The following FBN2 variants were observed in gnomAD, a reference collection of about 807,000 sequenced individuals.
The protein encoded by FBN2 is fibrillin 2.
FBN2 carries 105 observed loss-of-function variants against 355.6 expected under a neutral mutation model. The observed-to-expected ratio is 0.30, with a 90% CI of 0.25 to 0.35. FBN2 has a LOEUF of 0.35. FBN2 is among the 10% of genes least tolerant of loss of function. The pLI, the probability that FBN2 is intolerant of heterozygous loss-of-function variation, is 1.00. For missense variants in FBN2, 3,280 were observed against 3,758.7 expected, an observed-to-expected ratio of 0.87 and a Z score of 3.33; for synonymous variants, 1,350 against 1,301.2, an observed-to-expected ratio of 1.04 and a Z score of -0.81.
rs150976275 is a variant in FBN2, at chr5:128,514,400, T to C, written c.628+4873A>G. ...CTCTTACTTTTTGTTCCTACTCCTATTACGGTATTTACTGTGTCTTATTGC... is the reference window on the plus strand; with the variant it reads ...CTCTTACTTTTTGTTCCTACTCCTACTACGGTATTTACTGTGTCTTATTGC... On this transcript the variant is annotated intron_variant, in intron 5 of 64. Coordinates refer to ENST00000262464, the MANE Select transcript of FBN2 (RefSeq NM_001999.4). Among the ~76,000 whole-genome samples the C allele has an allele frequency of 2.6e-5, 4 of 152,272 alleles. No homozygotes were observed. In the East Asian group the frequency reaches 7.7e-4, roughly 29 times the overall value.
chr5:128,270,650 T>G (rs572516181), intron 62 of FBN2, among the ~76,000 whole-genome samples: 2 of 152,330 alleles, frequency 1.3e-5, no homozygotes, highest in South Asian at 4.1e-4. Flanking sequence ...AATTGACAAA[T>G]GGGATCTAAT....
At position 128,310,386 on chromosome 5, in the gene FBN2, ATATATATATATATATATTTTTT is replaced by A. The variant is rs1203100960; in HGVS notation, c.5075-300_5075-279del. 0.03 allele frequency among the ~76,000 whole-genome samples: 936 copies of A among 31,438 alleles called. 15 individuals are homozygous for A. The highest frequency in any genetic ancestry group is 0.032 in the African/African-American group (160 of 5,022). The allele number at this position is 31,438 out of a possible 152,430, so 20.6% of individuals were successfully genotyped here. On this transcript the variant is annotated intron_variant, in intron 39 of 64. Coordinates refer to ENST00000262464, the MANE Select transcript of FBN2 (RefSeq NM_001999.4). ...GGCACATATATATATATATATATAT[ATATATATATATATATATTTTTT>A]TTTTTTTTTTTTTATTGCAATTCGC...
At chr5:128,441,359 A>G (rs1753917007) in intron 7 of FBN2, among the ~76,000 whole-genome samples, 1 of 152,188 alleles carries the variant, frequency 6.6e-6, no homozygotes, top group South Asian at 2.1e-4. Flanking sequence ...TGGTCATCCA[A>G]CACCTTTGTT....
At position 128,261,754 on chromosome 5, in the gene FBN2, A is replaced by T. The variant is rs1253992429; in HGVS notation, c.8346T>A (p.His2782Gln). The T allele has an allele frequency of 6.2e-7, 1 of 1,614,114 alleles. No individual in the cohort carries two copies. Among genetic ancestry groups the T allele is most frequent in the African/African-American group, 1.3e-5 (1 of 74,956 alleles). Residue 2782 changes from histidine (H) to glutamine (Q), a missense_variant, in exon 64 of 65, where the codon CAT (histidine) becomes CAA (glutamine). Physicochemically the swap from His to Gln is conservative, Grantham distance 24. This residue lies in a region of FBN2 where 311 missense variants were observed against 319.1 expected (regional missense o/e 0.97). Coordinates refer to ENST00000262464, the MANE Select transcript of FBN2 (RefSeq NM_001999.4). ...TACTCACAGCAGTGGGATCAGGTTC[A>T]TGAATACTTCTCTTCTGCCTGCTGT... ...KKDSRQKRSI[H>Q]EPDPTAVEQI... is the part of the protein sequence containing the mutation.
chr5:128,368,499 CAT>C (rs1427893280), intron 16 of FBN2, among the ~76,000 whole-genome samples: 11 of 144,996 alleles, frequency 7.6e-5, no homozygotes, highest in African/African-American at 1.3e-4. Context: ...CATATATATA[CAT>C]ATATATATAA....
Position 128,312,750 on chromosome 5 carries a change from T to G in FBN2, c.4763A>C (p.Asp1588Ala), listed in dbSNP as rs202218356. 1 of 1,613,368 alleles carries G rather than the reference T, an allele frequency of 6.2e-7. No individual in the cohort carries two copies. The highest frequency in any genetic ancestry group is 1.7e-5 in the Admixed American group (1 of 59,948). ...CTCGGTGTTGCAAGACAGACTCCCA[T>G]CTCCTCGAGGTCCAAACTTCAGGTA... is the stretch of plus-strand genomic sequence containing the variant. ...NCYLKFGPRG[D>A]GSLSCNTEIG... Residue 1588 changes from aspartate to alanine, a missense_variant, in exon 37 of 65, where the codon GAT (aspartate) becomes GCT (alanine). Around this residue, in one of 6 missense-constraint regions of FBN2, gnomAD observed 2,284 missense variants for 2,749.5 expected, o/e 0.83. Transcript: ENST00000262464.
chr5:128,534,710 G>A (rs1351679776), intron 2 of FBN2, among the ~76,000 whole-genome samples: 1 of 152,156 alleles, frequency 6.6e-6, no homozygotes, highest in Non-Finnish European at 1.5e-5. Context: ...TTCTACCAGT[G>A]ATCAGTGGGG....
intron 9 of FBN2, among the ~76,000 whole-genome samples, chr5:128,394,779 G>A (rs1202591216): frequency 2.6e-5 from 4 of 151,962 alleles, no homozygotes; most frequent in Non-Finnish European, 4.4e-5. Flanking sequence ...TCAAGGACAG[G>A]AGCAAAATAT....
chr5:128,415,677 G>C (rs556407962), intron 7 of FBN2, among the ~76,000 whole-genome samples: 1 of 152,106 alleles, frequency 6.6e-6, no homozygotes, highest in East Asian at 1.9e-4. Context: ...GAGGGTGCAG[G>C]TGTCCCTCTG....
intron 37 of FBN2, among the ~76,000 whole-genome samples, 164 bp from the exon 38 acceptor site, chr5:128,312,117 TA>T (rs1004363789): frequency 1.3e-5 from 2 of 152,184 alleles, no homozygotes. Flanking sequence ...ATATTTTACA[TA>T]AAAGATCATA....
chr5:128,319,087 GC>G (rs1216284650), intron 34 of FBN2, 86 bp from the exon 35 acceptor site: 4 of 1,104,868 alleles, frequency 3.6e-6, no homozygotes, highest in Non-Finnish European at 5.4e-6. Context: ...GCATTTTTCT[GC>G]CCCCTCAGAT....
chr5:128,259,463 G>T lies in FBN2; in HGVS notation c.8731C>A (p.Leu2911Ile), dbSNP rs887275019. ...CCCAAGTCTGTGAAGGGTTAATAGA[G>T]CTGAATCTGCAGCCTCATTCTGAGA... ...EALRMRLQIQ[L>I]Y is the part of the protein sequence containing the mutation. The change falls in exon 65 of 65, where the codon CTC becomes ATC. Residue 2911 changes from leucine (L) to isoleucine (I), a missense_variant. Physicochemically the swap from Leu to Ile is conservative, Grantham distance 5. This residue lies in a region of FBN2 where 311 missense variants were observed against 319.1 expected (regional missense o/e 0.97). Transcript: ENST00000262464. The T allele has an allele frequency of 6.2e-7, 1 of 1,613,146 alleles. No homozygotes were observed.
In FBN2 at chr5:128,463,182, A is replaced by G. The variant is rs10037231; in HGVS notation, c.826+1542T>C. ...AAATTACATGGTAATCTGTATACTA[A>G]GATGTAGTAAAGACCATATGGAGCA... On this transcript the variant is annotated intron_variant, in intron 6 of 64. Coordinates refer to ENST00000262464, the MANE Select transcript of FBN2 (RefSeq NM_001999.4). Among the ~76,000 whole-genome samples, 33 of 152,220 alleles carry G rather than the reference A, an allele frequency of 2.2e-4. 1 individual carries two copies. The highest frequency in any genetic ancestry group is 4.6e-4 in the Admixed American group (7 of 15,288).
intron 48 of FBN2, among the ~76,000 whole-genome samples, chr5:128,300,561 A>G (rs1191008068): frequency 2.6e-5 from 4 of 152,248 alleles, no homozygotes; most frequent in Admixed American, 2.6e-4. Context: ...GACATTTGGA[A>G]AAAAGATTAA....
intron 48 of FBN2, among the ~76,000 whole-genome samples, chr5:128,292,471 G>A (rs1003614753): frequency 2.6e-5 from 4 of 152,124 alleles, no homozygotes; most frequent in African/African-American, 7.2e-5. Context: ...CTGGCTCGCT[G>A]TTGCACCTTT....
At chr5:128,535,561 A>G (rs60975118) in intron 2 of FBN2, among the ~76,000 whole-genome samples, 20,677 of 152,184 alleles carry the variant, frequency 0.14, 2,316 homozygotes, top group African/African-American at 0.3. Context: ...GGCCAGTCAC[A>G]CTGCAAGTCA....
At chr5:128,287,484 G>T in intron 53 of FBN2, 54 bp from the exon 54 acceptor site, 1 of 1,599,144 alleles carries the variant, frequency 6.3e-7, no homozygotes, top group Non-Finnish European at 8.6e-7. Context: ...AATTATTTGT[G>T]TAACTAAATG....
At chr5:128,510,906 C>T (rs1756110759) in intron 5 of FBN2, among the ~76,000 whole-genome samples, 1 of 152,066 alleles carries the variant, frequency 6.6e-6, no homozygotes, top group Non-Finnish European at 1.5e-5. Flanking sequence ...GAGGTTATAC[C>T]ACCAGTGTTC....
At chr5:128,309,542 C>A (rs1749976064) in intron 40 of FBN2, 143 bp from the exon 41 acceptor site, 1 of 674,140 alleles carries the variant, frequency 1.5e-6, no homozygotes, top group South Asian at 1.7e-5. Context: ...CTTAAAATAA[C>A]TCCTTAAACA....
Sources: allele counts gnomAD v4.1 joint callset (sites outside exome capture counted in the v4.1 genomes callset), GRCh38; gene constraint gnomAD v4.1.1; regional missense constraint gnomAD v4.1.1; transcripts MANE v1.5; gene names NCBI Gene and HGNC (gene_info 2026-07-23, HGNC 2026-07-21).